DCAF8L2: variants seen among roughly 807,000 people sequenced by gnomAD.
DCAF8L2 encodes DDB1 and CUL4 associated factor 8 like 2.
For missense variants in DCAF8L2, 430 were observed against 490.7 expected (o/e 0.88, Z 1.17); for synonymous variants, 200 against 190.9 (o/e 1.05, Z -0.39).
At chrX:27,523,484 G>A in the DCAF8L2 span, among the ~76,000 whole-genome samples, 3 of 108,010 alleles carry the variant, frequency 2.8e-5, no homozygotes, top group Non-Finnish European at 5.8e-5. Context: ...CTAATGATTT[G>A]TTTAAAGAAT....
the DCAF8L2 span, among the ~76,000 whole-genome samples, chrX:27,540,474 A>G: frequency 9.0e-6 from 1 of 111,400 alleles, no homozygotes; most frequent in Non-Finnish European, 1.9e-5. Flanking sequence ...CATGCACAGA[A>G]CGATAAATAC....
intron 3 of DCAF8L2, among the ~76,000 whole-genome samples, chrX:27,706,159 G>T (rs1931337268): frequency 9.0e-6 from 1 of 110,893 alleles, no homozygotes; most frequent in Non-Finnish European, 1.9e-5. Flanking sequence ...CTATTTGCCT[G>T]TTTTTTGTAC....
At chrX:27,533,167 A>AG in the DCAF8L2 span, among the ~76,000 whole-genome samples, 17 of 10,323 alleles carry the variant, frequency 1.6e-3, no homozygotes, top group Admixed American at 6.9e-3. Context: ...AGAGAGAGAG[A>AG]AAGAAAGAAA....
the DCAF8L2 span, among the ~76,000 whole-genome samples, chrX:27,523,968 A>G: frequency 8.9e-6 from 1 of 111,839 alleles, no homozygotes; most frequent in Non-Finnish European, 1.9e-5. Context: ...GATGTTCATC[A>G]GGGATATTGG....
chrX:27,704,393 T>A (rs1427048488), intron 3 of DCAF8L2, among the ~76,000 whole-genome samples: 1 of 108,762 alleles, frequency 9.2e-6, no homozygotes, highest in Non-Finnish European at 1.9e-5. Flanking sequence ...GAGAATATTA[T>A]TCTAAATAAA....
intron 2 of DCAF8L2, among the ~76,000 whole-genome samples, chrX:27,648,903 T>C (rs1929046336): frequency 8.9e-6 from 1 of 112,112 alleles, no homozygotes; most frequent in Non-Finnish European, 1.9e-5. Context: ...ATTTACTGGC[T>C]GGCAAGTGGG....
chrX:27,686,878 A>G (rs1930528274), intron 3 of DCAF8L2, among the ~76,000 whole-genome samples: 1 of 112,379 alleles, frequency 8.9e-6, no homozygotes, highest in Admixed American at 9.4e-5. Context: ...TCTGATCATC[A>G]AGCATTAAAT....
At chrX:27,696,268 G>GAGAGAGAAAGAA (rs1199823523) in intron 3 of DCAF8L2, among the ~76,000 whole-genome samples, 33 of 74,850 alleles carry the variant, frequency 4.4e-4, no homozygotes, top group South Asian at 8.7e-4. Context: ...AAGAGAGAGA[G>GAGAGAGAAAGAA]AGAAAGAAAG....
the DCAF8L2 span, among the ~76,000 whole-genome samples, chrX:27,568,946 AACACACACACACACACACACAC>A: frequency 0.44 from 38,066 of 86,211 alleles, 6,919 homozygotes; most frequent in South Asian, 0.69. Flanking sequence ...TTGGAACTCA[AACACACACACACACACACACAC>A]ACACACACAC....
chrX:27,661,710 A>G (rs1469367895), intron 2 of DCAF8L2, among the ~76,000 whole-genome samples: 1 of 112,010 alleles, frequency 8.9e-6, no homozygotes, highest in Non-Finnish European at 1.9e-5. Context: ...GGAAAATGGA[A>G]TGAACAAGTT....
chrX:27,511,590 A>T, the DCAF8L2 span, among the ~76,000 whole-genome samples: 1 of 112,315 alleles, frequency 8.9e-6, no homozygotes, highest in Non-Finnish European at 1.9e-5. Context: ...AACATAAACT[A>T]TGTGTTCCAG....
At chrX:27,542,200 C>T in the DCAF8L2 span, among the ~76,000 whole-genome samples, 1 of 111,262 alleles carries the variant, frequency 9.0e-6, no homozygotes, top group South Asian at 3.8e-4. Flanking sequence ...GATTTATTTT[C>T]CTTTGGCTAT....
chrX:27,562,557 T>G, the DCAF8L2 span, among the ~76,000 whole-genome samples: 1 of 112,011 alleles, frequency 8.9e-6, no homozygotes, highest in African/African-American at 3.2e-5. Context: ...GTACAAAATA[T>G]TTATTAGGAA....
the DCAF8L2 span, among the ~76,000 whole-genome samples, chrX:27,570,079 G>A: frequency 9.0e-6 from 1 of 111,251 alleles, no homozygotes; most frequent in Non-Finnish European, 1.9e-5. Context: ...GATAGCTCTC[G>A]TTTCTTTGGA....
At chrX:27,571,077 C>A in the DCAF8L2 span, among the ~76,000 whole-genome samples, 3 of 112,012 alleles carry the variant, frequency 2.7e-5, no homozygotes, top group Non-Finnish European at 5.6e-5. Flanking sequence ...CTAAGTGGAA[C>A]AACTGCTTAA....
chrX:27,492,061 A>G, the DCAF8L2 span, among the ~76,000 whole-genome samples: 1 of 112,448 alleles, frequency 8.9e-6, no homozygotes, highest in Admixed American at 9.4e-5. Flanking sequence ...GCCTGTTTCC[A>G]GGCACTCTGT....
At chrX:27,485,539 C>A in the DCAF8L2 span, among the ~76,000 whole-genome samples, 3 of 111,393 alleles carry the variant, frequency 2.7e-5, no homozygotes, top group African/African-American at 9.8e-5. Flanking sequence ...AGTAAAAATA[C>A]TTCAAAATGT....
At chrX:27,528,484 A>G in the DCAF8L2 span, among the ~76,000 whole-genome samples, 8 of 101,670 alleles carry the variant, frequency 7.9e-5, no homozygotes, top group African/African-American at 2.8e-4. Context: ...GTGTATATAT[A>G]TATATATATA....
intron 4 of DCAF8L2, among the ~76,000 whole-genome samples, chrX:27,720,672 C>T (rs995244923): frequency 7.2e-5 from 8 of 111,785 alleles, no homozygotes; most frequent in African/African-American, 2.6e-4. Context: ...CGCGCCCTGC[C>T]GATTATTTTT....
Sources: gnomAD v4.1 joint callset for allele counts (sites outside exome capture counted in the v4.1 genomes callset) on GRCh38, gnomAD v4.1.1 for gene constraint, MANE v1.5 for transcripts, NCBI Gene and HGNC (gene_info 2026-07-23, HGNC 2026-07-21) for gene names.